The following CCND2 variants were observed in gnomAD, a reference collection of about 807,000 sequenced individuals.
The protein encoded by CCND2 is cyclin D2.
A neutral mutation model predicts 30.2 loss-of-function variants in CCND2; 6 were observed. That is an observed-to-expected ratio of 0.20 (90% CI 0.11 to 0.39). The LOEUF (loss-of-function observed/expected upper bound fraction) is 0.39. CCND2 is among the 10% of genes least tolerant of loss of function. The probability of loss-of-function intolerance (pLI) is 1.00; values close to 1 mark genes in which losing one functional copy is unlikely to be tolerated. For missense variants in CCND2, 235 were observed against 373.4 expected, an observed-to-expected ratio of 0.63 and a Z score of 3.06; for synonymous variants, 150 against 153.1, an observed-to-expected ratio of 0.98 and a Z score of 0.15.
chr12:4,278,510 AT>A, intron 2 of CCND2, among the ~76,000 whole-genome samples: 1 of 152,324 alleles, frequency 6.6e-6, no homozygotes, highest in Admixed American at 6.5e-5. Flanking sequence ...GTAGAAGAAA[AT>A]AGAATCTTGG....
At chr12:4,295,009 C>T (rs1297100384) in intron 4 of CCND2, among the ~76,000 whole-genome samples, 1 of 152,212 alleles carries the variant, frequency 6.6e-6, no homozygotes, top group Non-Finnish European at 1.5e-5. Context: ...GTGGAGTTGG[C>T]ATGTCCAGTT....
At position 4,301,046 on chromosome 12, in the gene CCND2, C is replaced by T; in HGVS notation, c.*1037C>T. On this transcript the variant is annotated 3_prime_UTR_variant, in exon 5 of 5. Coordinates refer to ENST00000261254, the MANE Select transcript of CCND2 (RefSeq NM_001759.4). ...GCAAGTCATGCTGAATACTCCTCCC[C>T]TCTTCTCTTTTGCCCCCTCCCTTCC... 4.3e-6 allele frequency: 1 copy of T among 233,692 alleles called. No homozygotes were observed. The allele number at this position is 233,692 out of a possible 1,614,324, so 14.5% of individuals were successfully genotyped here. A position where few individuals can be genotyped will look rare whatever the true frequency, so the allele number is the denominator to read the frequency against.
rs757962346 is a variant in CCND2, at chr12:4,278,778, C to A, written c.430C>A (p.Leu144Met). 1 of 1,614,154 alleles carries A rather than the reference C, an allele frequency of 6.2e-7. No homozygotes were observed. The highest frequency in any genetic ancestry group is 8.5e-7 in the Non-Finnish European group (1 of 1,179,984). ...CCTCCAGGAGTGGGAACTGGTGGTG[C>A]TGGGGAAGTTGAAGTGGAACCTGGC... Reference protein sequence around the residue: ...QELLEWELVVLGKLKWNLAAV... With the variant: ...QELLEWELVVMGKLKWNLAAV... Residue 144 changes from leucine to methionine, a missense_variant, in exon 3 of 5, where the codon CTG becomes ATG. Around this residue, in one of 2 missense-constraint regions of CCND2, gnomAD observed 178 missense variants for 322.8 expected, o/e 0.55. Coordinates refer to ENST00000261254, the MANE Select transcript of CCND2 (RefSeq NM_001759.4).
At position 4,304,565 on chromosome 12, in the gene CCND2, G is replaced by A. The variant is rs1468140614; in HGVS notation, c.*4556G>A. 2 of 233,594 alleles carry A rather than the reference G, an allele frequency of 8.6e-6. No homozygotes were observed. Among genetic ancestry groups the A allele is most frequent in the Non-Finnish European group, 1.7e-5 (2 of 118,046 alleles). The allele number at this position is 233,594 out of a possible 1,614,324, so 14.5% of individuals were successfully genotyped here. ...TTCTGGATTCTAAACAACCCAGAATGGTCATTTCAGGCACAACGATACTAC... is the reference window on the plus strand; with the variant it reads ...TTCTGGATTCTAAACAACCCAGAATAGTCATTTCAGGCACAACGATACTAC... On this transcript the variant is annotated 3_prime_UTR_variant, in exon 5 of 5. Coordinates refer to ENST00000261254, the MANE Select transcript of CCND2 (RefSeq NM_001759.4). This position sits in a 1 kb window ranked among gnomAD's most constrained non-coding sequence, Gnocchi z 6.2.
intron 4 of CCND2, among the ~76,000 whole-genome samples, chr12:4,296,280 T>C (rs1380653227): frequency 1.3e-5 from 2 of 152,212 alleles, no homozygotes; most frequent in Non-Finnish European, 2.9e-5. Flanking sequence ...CCAGATGACC[T>C]TGCCGGGGGC....
chr12:4,297,934 CA>C (rs1447288434), intron 4 of CCND2: 5 of 342,912 alleles, frequency 1.5e-5, no homozygotes, highest in African/African-American at 1.1e-4. Context: ...TCTTCCCAGA[CA>C]CACAGTCTTG....
At chr12:4,277,606 G>A (rs1332302603) in intron 2 of CCND2, among the ~76,000 whole-genome samples, 2 of 152,192 alleles carry the variant, frequency 1.3e-5, no homozygotes, top group Non-Finnish European at 2.9e-5. Context: ...AAACAAACTT[G>A]GCTTTTTCCT....
Position 4,282,320 on chromosome 12 carries a change from T to G in CCND2, c.571+3401T>G, listed in dbSNP as rs1863959842. On this transcript the variant is annotated intron_variant, in intron 3 of 4. Coordinates refer to ENST00000261254, the MANE Select transcript of CCND2 (RefSeq NM_001759.4). This position sits in a 1 kb window ranked among gnomAD's most constrained non-coding sequence, Gnocchi z 4.3. ...CTAAGATGCTGCACCTTGGTATTTG[T>G]GCCACACACGGTAGCCACCCCCAGG... Among the ~76,000 whole-genome samples the G allele has an allele frequency of 6.6e-6, 1 of 152,118 alleles. No individual in the cohort carries two copies. Among genetic ancestry groups the G allele is most frequent in the Admixed American group, 6.5e-5 (1 of 15,268 alleles).
chr12:4,274,198 C>T lies in CCND2; in HGVS notation c.158C>T (p.Pro53Leu). The T allele has an allele frequency of 6.2e-7, 1 of 1,614,090 alleles. No individual in the cohort carries two copies. Among genetic ancestry groups the T allele is most frequent in the Non-Finnish European group, 8.5e-7 (1 of 1,179,956 alleles). ...YFKCVQKDIQ[P>L]YMRRMVATWM... is the part of the protein sequence containing the mutation. ...AAGTGCGTGCAGAAGGACATCCAAC[C>T]CTACATGCGCAGAATGGTGGCCACC... Residue 53 changes from proline (P) to leucine (L), a missense_variant, in exon 1 of 5, where the codon CCC (proline) becomes CTC (leucine). By Grantham distance (98) the Pro-to-Leu change is moderately conservative. Transcript: ENST00000261254. This position sits in a 1 kb window ranked among gnomAD's most constrained non-coding sequence, Gnocchi z 7.7.
In CCND2 at chr12:4,274,093, G is replaced by C; in HGVS notation, c.53G>C (p.Arg18Pro). ...VDPVRRAVRD[R>P]NLLRDDRVLQ... ...CCGGTCCGCAGGGCCGTGCGGGACC[G>C]CAACCTGCTCCGAGACGACCGCGTC... is the stretch of plus-strand genomic sequence containing the variant. Residue 18 changes from arginine (R) to proline (P), a missense_variant, in exon 1 of 5, where the codon CGC becomes CCC. Physicochemically the swap from Arg to Pro is moderately radical, Grantham distance 103. Coordinates refer to ENST00000261254, the MANE Select transcript of CCND2 (RefSeq NM_001759.4). This position sits in a 1 kb window ranked among gnomAD's most constrained non-coding sequence, Gnocchi z 7.7. 1.2e-6 allele frequency: 2 copies of C among 1,613,676 alleles called. No individual in the cohort carries two copies. The highest frequency in any genetic ancestry group is 1.7e-6 in the Non-Finnish European group (2 of 1,179,878).
Position 4,285,318 on chromosome 12 carries a change from T to C in CCND2, c.572-3524T>C. On this transcript the variant is annotated intron_variant, in intron 3 of 4. Coordinates refer to ENST00000261254, the MANE Select transcript of CCND2 (RefSeq NM_001759.4). The surrounding 1 kb of genome is among the most constrained non-coding windows in gnomAD (Gnocchi z 4.1). ...GTCACCAGCATCTCACCTCTCCAGGTGGGCAATTAACGATGGCGAGGGCAC... is the reference window on the plus strand; with the variant it reads ...GTCACCAGCATCTCACCTCTCCAGGCGGGCAATTAACGATGGCGAGGGCAC... 2.0e-6 allele frequency: 2 copies of C among 985,420 alleles called. No individual in the cohort carries two copies. The highest frequency in any genetic ancestry group is 2.4e-6 in the Non-Finnish European group (2 of 829,932). 61.0% of individuals were successfully genotyped at this position (985,420 alleles called of 1,614,324 possible). A position where few individuals can be genotyped will look rare whatever the true frequency, so the allele number is the denominator to read the frequency against.
intron 1 of CCND2, chr12:4,275,136 G>T (rs1248535877): frequency 6.6e-6 from 1 of 152,096 alleles, no homozygotes; most frequent in Admixed American, 6.5e-5. Context: ...GGAGCCCCCC[G>T]TGCCTCTTTC....
chr12:4,297,178 C>G (rs571175210), intron 4 of CCND2, among the ~76,000 whole-genome samples: 3 of 152,262 alleles, frequency 2.0e-5, no homozygotes, highest in Non-Finnish European at 4.4e-5. Context: ...GTGCCTTAAC[C>G]CCCACATTCA....
chr12:4,294,292 G>A (rs1864137235), intron 4 of CCND2, among the ~76,000 whole-genome samples: 1 of 151,968 alleles, frequency 6.6e-6, no homozygotes, highest in Non-Finnish European at 1.5e-5. Flanking sequence ...GGAGGGAAGG[G>A]GGCAAGGGAG....
At chr12:4,294,794 T>G (rs1003970974) in intron 4 of CCND2, among the ~76,000 whole-genome samples, 1 of 152,234 alleles carries the variant, frequency 6.6e-6, no homozygotes, top group Non-Finnish European at 1.5e-5. Context: ...TCCAAGTCTG[T>G]GATTATTTGT....
At position 4,274,502 on chromosome 12, in the gene CCND2, G is replaced by A. The variant is rs1863835629; in HGVS notation, c.195+267G>A. Among the ~76,000 whole-genome samples, 2 of 152,242 alleles carry A rather than the reference G, an allele frequency of 1.3e-5. No individual in the cohort carries two copies. The highest frequency in any genetic ancestry group is 4.1e-4 in the South Asian group (2 of 4,838). The stretch of plus-strand genomic sequence containing the variant: ...GGGAGCATCCCGCGCGCGTGTTCCT[G>A]CATGTGGCTGCCTCTTCTTCCCACC... On this transcript the variant is annotated intron_variant, in intron 1 of 4. Transcript: ENST00000261254. The surrounding 1 kb of genome is among the most constrained non-coding windows in gnomAD (Gnocchi z 7.7).
intron 4 of CCND2, among the ~76,000 whole-genome samples, chr12:4,294,884 C>G (rs1216668068): frequency 6.6e-6 from 1 of 152,214 alleles, no homozygotes; most frequent in Admixed American, 6.5e-5. Context: ...TAGAAGCAAC[C>G]TGGTTGGATT....
At chr12:4,291,449 G>C (rs535667125) in intron 4 of CCND2, among the ~76,000 whole-genome samples, 5 of 152,014 alleles carry the variant, frequency 3.3e-5, no homozygotes, top group African/African-American at 9.7e-5. Flanking sequence ...CTTTACTGAA[G>C]GCCCAGTTGT....
chr12:4,297,162 C>G (rs557476567), intron 4 of CCND2, among the ~76,000 whole-genome samples: 3 of 33,904 alleles, frequency 8.8e-5, no homozygotes, highest in Admixed American at 3.9e-4. Flanking sequence ...TGACCGTTGT[C>G]ACTTTGTGCC....
Sources: allele counts gnomAD v4.1 joint callset (sites outside exome capture counted in the v4.1 genomes callset), GRCh38; gene constraint gnomAD v4.1.1; regional missense constraint gnomAD v4.1.1; non-coding constraint Gnocchi (gnomAD v3.1); transcripts MANE v1.5; gene names NCBI Gene and HGNC (gene_info 2026-07-23, HGNC 2026-07-21).